The following TSC22D2 variants were observed in gnomAD, a reference collection of about 807,000 sequenced individuals.
TSC22D2 encodes the protein TSC22 domain family protein 2.
A neutral mutation model predicts 50.1 loss-of-function variants in TSC22D2; 5 were observed. The ratio of observed to expected loss-of-function variants is 0.10; its 90% confidence interval spans 0.05 to 0.21. The LOEUF (loss-of-function observed/expected upper bound fraction) is 0.21, where lower values mean the gene tolerates loss of function less well. TSC22D2 is among the 10% of genes least tolerant of loss of function. TSC22D2 has a pLI of 1.00. For synonymous variants in TSC22D2, 501 were observed against 450.1 expected (o/e 1.11, Z -1.43); for missense variants, 1,003 against 1,015.5 (o/e 0.99, Z 0.17).
chr3:150,415,500 A>G (rs1719765939), intron 1 of TSC22D2, among the ~76,000 whole-genome samples: 1 of 152,256 alleles, frequency 6.6e-6, no homozygotes, highest in African/African-American at 2.4e-5. Flanking sequence ...GAATAAATAT[A>G]ATGCCAATTC....
intron 1 of TSC22D2, among the ~76,000 whole-genome samples, chr3:150,421,750 A>G (rs1247463782): frequency 6.6e-6 from 1 of 152,062 alleles, no homozygotes; most frequent in Non-Finnish European, 1.5e-5. Context: ...CAGAATTGCC[A>G]TGTTGTATCT....
chr3:150,431,333 A>G (rs1720376518), intron 1 of TSC22D2, among the ~76,000 whole-genome samples: 1 of 151,958 alleles, frequency 6.6e-6, no homozygotes, highest in Admixed American at 6.6e-5. Context: ...CTTACCAACA[A>G]TATAATTACC....
At chr3:150,423,044 C>T in intron 1 of TSC22D2, 1 of 1,612,098 alleles carries the variant, frequency 6.2e-7, no homozygotes, top group Non-Finnish European at 8.5e-7. Flanking sequence ...TCTCGGATCT[C>T]ACAGGAATCC....
intron 1 of TSC22D2, among the ~76,000 whole-genome samples, chr3:150,444,208 C>T (rs1001063982): frequency 5.9e-5 from 9 of 151,938 alleles, no homozygotes; most frequent in African/African-American, 2.2e-4. Context: ...TCCAGCGATA[C>T]CCTTAATTAG....
In TSC22D2 at chr3:150,448,182, A is replaced by C. The variant is rs539351141; in HGVS notation, c.1959-8894A>C. 5.3e-5 allele frequency among the ~76,000 whole-genome samples: 8 copies of C among 152,302 alleles called. No homozygotes were observed. The East Asian group carries it at 1.4e-3, about 26-fold the overall frequency. ...CTATTAAGAAATAATGATTTCATCT[A>C]ATAAGAAATAATGCTACGTAGGATG... On this transcript the variant is annotated intron_variant, in intron 1 of 2. Transcript: ENST00000688009.
At chr3:150,456,180 GTT>G (rs10603156) in intron 1 of TSC22D2, among the ~76,000 whole-genome samples, 77,293 of 140,676 alleles carry the variant, frequency 0.55, 20,867 homozygotes, top group Non-Finnish European at 0.61. Context: ...GTTTCTTTTT[GTT>G]TTTTTTTTTT....
Position 150,414,703 on chromosome 3 carries a change from T to C in TSC22D2, c.1958+3395T>C, listed in dbSNP as rs115251010. ...AATACACATTTTGTTTGTACATTTA[T>C]ATATATTTTAAACCAAATTCTGCTG... is the stretch of plus-strand genomic sequence containing the variant. On this transcript the variant is annotated intron_variant, in intron 1 of 2. Coordinates refer to ENST00000688009, the MANE Select transcript of TSC22D2 (RefSeq NM_001303264.2). Among the ~76,000 whole-genome samples, 802 of 152,210 alleles carry C rather than the reference T, an allele frequency of 5.3e-3. 8 individuals carry two copies. The highest frequency in any genetic ancestry group is 0.018 in the African/African-American group (765 of 41,502).
chr3:150,457,617 C>G (rs1251883355), intron 2 of TSC22D2, among the ~76,000 whole-genome samples: 1 of 151,932 alleles, frequency 6.6e-6, no homozygotes, highest in Non-Finnish European at 1.5e-5. Context: ...ATAGCAAGAC[C>G]CCGTCTCTAC....
intron 1 of TSC22D2, among the ~76,000 whole-genome samples, chr3:150,447,243 A>G (rs575096286): frequency 1.6e-4 from 25 of 152,350 alleles, no homozygotes; most frequent in African/African-American, 5.5e-4. Flanking sequence ...TGAAAAGAAT[A>G]AGTAGCATTC....
intron 1 of TSC22D2, among the ~76,000 whole-genome samples, chr3:150,445,384 T>G (rs1169467179): frequency 6.6e-6 from 1 of 150,592 alleles, no homozygotes; most frequent in Admixed American, 6.6e-5. Flanking sequence ...AAATCTCAAG[T>G]CAAACAATTT....
chr3:150,419,530 A>G (rs1448764589), intron 1 of TSC22D2, among the ~76,000 whole-genome samples: 4 of 152,090 alleles, frequency 2.6e-5, no homozygotes, highest in Non-Finnish European at 4.4e-5. Context: ...TTTGGCATAG[A>G]TTAAGAGAAA....
chr3:150,410,892 C>T lies in TSC22D2; in HGVS notation c.1542C>T (p.Pro514=), dbSNP rs769230344. ...PGVPNVPAAV[P]APSVPSVSTT... ...TTCCAAACGTGCCTGCAGCCGTGCC[C>T]GCTCCAAGCGTGCCTAGTGTGTCTA... Residue 514 remains proline, a synonymous_variant, in exon 1 of 3, where the codon CCC becomes CCT. Coordinates refer to ENST00000688009, the MANE Select transcript of TSC22D2 (RefSeq NM_001303264.2). 1.2e-6 allele frequency: 2 copies of T among 1,614,080 alleles called. No individual in the cohort carries two copies. The highest frequency in any genetic ancestry group is 3.3e-5 in the Admixed American group (2 of 60,030).
intron 1 of TSC22D2, among the ~76,000 whole-genome samples, chr3:150,437,487 G>T (rs1323703731): frequency 6.6e-6 from 1 of 152,008 alleles, no homozygotes; most frequent in Non-Finnish European, 1.5e-5. Flanking sequence ...GATTGTTACT[G>T]ATCCAGCCAC....
Position 150,463,960 on chromosome 3 carries a change from T to C in TSC22D2, c.*5324T>C, listed in dbSNP as rs1215404603. ...GGAATTTTCCCATTGTCTACTGTCA[T>C]GGGTCCATAGTATTTAAGTTTACAG... is the stretch of plus-strand genomic sequence containing the variant. On this transcript the variant is annotated 3_prime_UTR_variant, in exon 3 of 3. Transcript: ENST00000688009. The C allele has an allele frequency of 2.0e-5, 3 of 152,320 alleles. No homozygotes were observed. The East Asian group carries it at 5.8e-4, about 29-fold the overall frequency. 9.4% of individuals were successfully genotyped at this position (152,320 alleles called of 1,614,324 possible).
At position 150,459,972 on chromosome 3, in the gene TSC22D2, G is replaced by A. The variant is rs902284051; in HGVS notation, c.*1336G>A. ...GCAGATTAAGTGCAGTGTATACTGA[G>A]TATTTAAATTAAAATGTACATTTCA... On this transcript the variant is annotated 3_prime_UTR_variant, in exon 3 of 3. Transcript: ENST00000688009. 2 of 151,980 alleles carry A rather than the reference G, an allele frequency of 1.3e-5. No homozygotes were observed. The highest frequency in any genetic ancestry group is 6.6e-5 in the Admixed American group (1 of 15,244). The allele number at this position is 151,980 out of a possible 1,614,324, so 9.4% of individuals were successfully genotyped here.
intron 1 of TSC22D2, among the ~76,000 whole-genome samples, chr3:150,418,632 T>TA (rs1719903464): frequency 6.6e-6 from 1 of 151,592 alleles, no homozygotes; most frequent in Non-Finnish European, 1.5e-5. Context: ...CAAGCAGAGG[T>TA]AAAAGGCAGT....
intron 1 of TSC22D2, among the ~76,000 whole-genome samples, chr3:150,433,506 T>A (rs1221405513): frequency 6.6e-6 from 1 of 152,194 alleles, no homozygotes; most frequent in Non-Finnish European, 1.5e-5. Flanking sequence ...ATAAAGAAGG[T>A]ATATTTTCCC....
At chr3:150,420,808 G>A (rs1465648078) in intron 1 of TSC22D2, among the ~76,000 whole-genome samples, 1 of 149,722 alleles carries the variant, frequency 6.7e-6, no homozygotes, top group African/African-American at 2.4e-5. Flanking sequence ...GATGCCAGGT[G>A]TGGTGGCTCA....
chr3:150,442,367 T>C (rs761397185), intron 1 of TSC22D2, among the ~76,000 whole-genome samples: 1 of 152,222 alleles, frequency 6.6e-6, no homozygotes, highest in Non-Finnish European at 1.5e-5. Context: ...AATGTTTAAG[T>C]TCATTACAAC....
Sources: gnomAD v4.1 joint callset for allele counts (sites outside exome capture counted in the v4.1 genomes callset) on GRCh38, gnomAD v4.1.1 for gene constraint, MANE v1.5 for transcripts, NCBI Gene and HGNC (gene_info 2026-07-23, HGNC 2026-07-21) for gene names.